TMEM132B: variants seen among roughly 807,000 people sequenced by gnomAD.
TMEM132B encodes transmembrane protein 132B.
Under a neutral mutation model 90.8 loss-of-function variants are expected in TMEM132B, and 18 were observed. The observed-to-expected ratio is 0.20, with a 90% CI of 0.14 to 0.29. TMEM132B has a LOEUF of 0.29. Ranked by LOEUF, TMEM132B falls within the 10% of genes least tolerant of loss-of-function variation. The pLI, the probability that TMEM132B is intolerant of heterozygous loss-of-function variation, is 1.00. For missense variants in TMEM132B, 1,096 were observed against 1,326.8 expected (o/e 0.83, Z 2.70); for synonymous variants, 504 against 523.3 (o/e 0.96, Z 0.50).
chr12:125,397,629 G>A (rs1408878923), intron 2 of TMEM132B, among the ~76,000 whole-genome samples: 1 of 152,194 alleles, frequency 6.6e-6, no homozygotes, highest in Non-Finnish European at 1.5e-5. Context: ...TTTGCTGTGA[G>A]AGAGATGCAC....
At chr12:125,559,734 G>A (rs1216338257) in intron 4 of TMEM132B, among the ~76,000 whole-genome samples, 4 of 152,164 alleles carry the variant, frequency 2.6e-5, no homozygotes, top group Admixed American at 1.3e-4. Flanking sequence ...GTTAGGAGAG[G>A]AAATTGCTGA....
chr12:125,225,987 C>T (rs1036257824), intron 1 of TMEM132B, among the ~76,000 whole-genome samples: 9 of 152,208 alleles, frequency 5.9e-5, no homozygotes, highest in African/African-American at 1.9e-4. Context: ...TCTTAGCTTC[C>T]TATCAACCTA....
chr12:125,657,336 C>CAT lies in TMEM132B; in HGVS notation c.*2626_*2627insAT, dbSNP rs369567916. ...ATAAACGCATATACATACATATACC[C>CAT]GTGTGTGTGTGTGTGTGTGTGTGTG... On this transcript the variant is annotated 3_prime_UTR_variant, in exon 9 of 9. Coordinates refer to ENST00000682704, the MANE Select transcript of TMEM132B (RefSeq NM_001366854.1). 8.0e-5 allele frequency: 8 copies of CAT among 100,602 alleles called. No individual in the cohort carries two copies. The highest frequency in any genetic ancestry group is 7.0e-4 in the East Asian group (1 of 1,428). 6.2% of individuals were successfully genotyped at this position (100,602 alleles called of 1,614,324 possible).
chr12:125,329,617 C>G (rs889359935), intron 1 of TMEM132B, among the ~76,000 whole-genome samples: 3 of 152,220 alleles, frequency 2.0e-5, no homozygotes, highest in Non-Finnish European at 4.4e-5. Context: ...GGGTTGGTTA[C>G]TTTCCTGGGA....
chr12:125,611,803 G>T (rs1000580641), intron 5 of TMEM132B, among the ~76,000 whole-genome samples: 1 of 152,112 alleles, frequency 6.6e-6, no homozygotes, highest in Admixed American at 6.6e-5. Context: ...TAAATTAACT[G>T]TGGCTTGATT....
At position 125,231,208 on chromosome 12, in the gene TMEM132B, C is replaced by CGTGT. The variant is rs140099684; in HGVS notation, c.67+44369_67+44372dup. 6.3e-3 allele frequency among the ~76,000 whole-genome samples: 925 copies of CGTGT among 146,526 alleles called. 2 individuals are homozygous for CGTGT. Among genetic ancestry groups the CGTGT allele is most frequent in the Middle Eastern group, 0.014 (4 of 286 alleles). On this transcript the variant is annotated intron_variant, in intron 1 of 8. Coordinates refer to ENST00000682704, the MANE Select transcript of TMEM132B (RefSeq NM_001366854.1). ...CCTCTGTCTTCACGTGGCTGTCTTC[C>CGTGT]GTGTGTGTGTGTGTGTGTGTGTGTG...
chr12:125,243,904 C>G (rs1349407078), intron 1 of TMEM132B, among the ~76,000 whole-genome samples: 1 of 152,190 alleles, frequency 6.6e-6, no homozygotes, highest in Non-Finnish European at 1.5e-5. Context: ...TACGTATTAG[C>G]AGTCACCGCC....
chr12:125,352,260 A>G (rs1038252481), intron 2 of TMEM132B, among the ~76,000 whole-genome samples: 2 of 152,238 alleles, frequency 1.3e-5, no homozygotes, highest in African/African-American at 4.8e-5. Context: ...ACTTCTAAAT[A>G]TACGAAAGAG....
chr12:125,514,863 G>A (rs1403849978), intron 3 of TMEM132B, among the ~76,000 whole-genome samples: 2 of 152,102 alleles, frequency 1.3e-5, no homozygotes, highest in Non-Finnish European at 2.9e-5. Context: ...GTCCCTCTCT[G>A]CTGCCCTGTG....
chr12:125,442,718 CGGCAGGTGTGTTTTTCTGT>C (rs1880908813), intron 3 of TMEM132B, among the ~76,000 whole-genome samples: 1 of 152,182 alleles, frequency 6.6e-6, no homozygotes, highest in African/African-American at 2.4e-5. Context: ...GCCAGGATGA[CGGCAGGTGTGTTTTTCTGT>C]GGCACCTTTT....
chr12:125,387,489 C>G (rs899274535), intron 2 of TMEM132B, among the ~76,000 whole-genome samples: 1 of 152,210 alleles, frequency 6.6e-6, no homozygotes, highest in African/African-American at 2.4e-5. Flanking sequence ...CCTACATAGA[C>G]CAGAAGCCCC....
intron 5 of TMEM132B, among the ~76,000 whole-genome samples, chr12:125,621,316 T>C (rs1886105867): frequency 6.6e-6 from 1 of 152,058 alleles, no homozygotes; most frequent in Non-Finnish European, 1.5e-5. Context: ...GATGAGGGCA[T>C]TTCAGACAGA....
rs1005294340 is a variant in TMEM132B, at chr12:125,658,993, A to G, written c.*4283A>G. On this transcript the variant is annotated 3_prime_UTR_variant, in exon 9 of 9. Coordinates refer to ENST00000682704, the MANE Select transcript of TMEM132B (RefSeq NM_001366854.1). Reference sequence around the variant, plus strand: ...TTTTTCAGCATAAAAGTATATTCTAACCACAGGGTAACACATCGTTTTTAA... The same window carrying G: ...TTTTTCAGCATAAAAGTATATTCTAGCCACAGGGTAACACATCGTTTTTAA... The G allele has an allele frequency of 2.0e-5, 3 of 152,154 alleles. No homozygotes were observed. In the South Asian group the frequency reaches 6.2e-4, roughly 31 times the overall value. The allele number at this position is 152,154 out of a possible 1,614,324, so 9.4% of individuals were successfully genotyped here.
intron 2 of TMEM132B, among the ~76,000 whole-genome samples, chr12:125,370,442 C>G (rs1878258196): frequency 6.6e-6 from 1 of 152,224 alleles, no homozygotes; most frequent in African/African-American, 2.4e-5. Flanking sequence ...GAATTGTCAA[C>G]CAACATCTTT....
chr12:125,211,802 A>G (rs759291149), intron 1 of TMEM132B, among the ~76,000 whole-genome samples: 1 of 152,006 alleles, frequency 6.6e-6, no homozygotes, highest in Non-Finnish European at 1.5e-5. Context: ...TCTTTTTCCC[A>G]TGCCAGCCAC....
At chr12:125,555,335 G>A (rs1032717062) in intron 4 of TMEM132B, among the ~76,000 whole-genome samples, 3 of 151,832 alleles carry the variant, frequency 2.0e-5, no homozygotes, top group East Asian at 3.9e-4. Flanking sequence ...ATAAAAACAA[G>A]TGATGTAATA....
intron 1 of TMEM132B, among the ~76,000 whole-genome samples, chr12:125,243,469 G>A (rs1874136471): frequency 6.6e-6 from 1 of 152,094 alleles, no homozygotes; most frequent in African/African-American, 2.4e-5. Context: ...AACATGCCTG[G>A]CTAATTTTGC....
At chr12:125,188,373 C>T (rs1056878665) in intron 1 of TMEM132B, among the ~76,000 whole-genome samples, 2 of 152,174 alleles carry the variant, frequency 1.3e-5, no homozygotes, top group Non-Finnish European at 2.9e-5. Context: ...GACCTGTTTG[C>T]AAAAGTGCAG....
At chr12:125,560,718 G>A (rs1414081280) in intron 4 of TMEM132B, among the ~76,000 whole-genome samples, 3 of 151,502 alleles carry the variant, frequency 2.0e-5, no homozygotes, top group Admixed American at 1.3e-4. Context: ...CCAGCTACTC[G>A]GGAGGCTGAG....
Sources: allele counts gnomAD v4.1 joint callset (sites outside exome capture counted in the v4.1 genomes callset), GRCh38; gene constraint gnomAD v4.1.1; transcripts MANE v1.5; gene names NCBI Gene and HGNC (gene_info 2026-07-23, HGNC 2026-07-21).